Variants in TNNI3K observed in about 807,000 individuals in gnomAD.
The protein encoded by TNNI3K is TNNI3 interacting kinase, also known as serine/threonine-protein kinase TNNI3K.
TNNI3K carries 140 observed loss-of-function variants against 114.5 expected under a neutral mutation model. The observed-to-expected ratio is 1.22, with a 90% CI of 1.07 to 1.41. TNNI3K has a LOEUF of 1.41. Ranked by LOEUF, TNNI3K falls within the 40% of genes most tolerant of loss-of-function variation. The pLI, the probability that TNNI3K is intolerant of heterozygous loss-of-function variation, is 0.00. For synonymous variants in TNNI3K, 347 were observed against 347.5 expected, an observed-to-expected ratio of 1.00 and a Z score of 0.02; for missense variants, 1,125 against 1,007.6, an observed-to-expected ratio of 1.12 and a Z score of -1.58.
At chr1:74,534,506 T>C (rs1570753481) in intron 23 of TNNI3K, among the ~76,000 whole-genome samples, 2 of 152,236 alleles carry the variant, frequency 1.3e-5, no homozygotes, top group Middle Eastern at 6.8e-3. Context: ...CACAACACTG[T>C]CTGTTTTTAA....
chr1:74,262,173 A>AC (rs1655717121), intron 4 of TNNI3K, among the ~76,000 whole-genome samples: 2 of 152,116 alleles, frequency 1.3e-5, no homozygotes, highest in African/African-American at 4.8e-5. Flanking sequence ...GTCGATTTAG[A>AC]CCAAGGTTCA....
chr1:74,236,147 A>G lies in TNNI3K; in HGVS notation c.86A>G (p.Glu29Gly). 1 of 1,608,638 alleles carries G rather than the reference A, an allele frequency of 6.2e-7. No individual in the cohort carries two copies. The highest frequency in any genetic ancestry group is 2.2e-5 in the East Asian group (1 of 44,578). Reference sequence around the variant, plus strand: ...AGTGAATCATATGTTATCACAATAGAAAGATTAGAAGATGACCTGCAGATC... The same window carrying G: ...AGTGAATCATATGTTATCACAATAGGAAGATTAGAAGATGACCTGCAGATC... ...KVSESYVITI[E>G]RLEDDLQIKE... The change falls in exon 2 of 25, where the codon GAA becomes GGA. Residue 29 changes from glutamate to glycine, a missense_variant. By Grantham distance (98) the Glu-to-Gly change is moderately conservative. Transcript: ENST00000326637.
rs146458591 is a variant in TNNI3K at position 74,421,428 on chromosome 1, G to T, written c.1773-14652G>T. Among the ~76,000 whole-genome samples the T allele has an allele frequency of 1.8e-3, 269 of 152,108 alleles. 1 individual carries two copies. Among genetic ancestry groups the T allele is most frequent in the African/African-American group, 6.3e-3 (261 of 41,492 alleles). On this transcript the variant is annotated intron_variant, in intron 17 of 24. Coordinates refer to ENST00000326637, the MANE Select transcript of TNNI3K (RefSeq NM_015978.3). ...ATTCCTTAATCTTTACAATAATCTG[G>T]CAAGGTAGCTCTTAGAGATAAGAGA...
At position 74,392,027 on chromosome 1, in the gene TNNI3K, A is replaced by G. The variant is rs191753513; in HGVS notation, c.1772+21635A>G. Among the ~76,000 whole-genome samples, 345 of 133,852 alleles carry G rather than the reference A, an allele frequency of 2.6e-3. 4 individuals carry two copies. In the East Asian group the frequency reaches 0.043, roughly 17 times the overall value. 87.8% of individuals were successfully genotyped at this position (133,852 alleles called of 152,430 possible). On this transcript the variant is annotated intron_variant, in intron 17 of 24. Coordinates refer to ENST00000326637, the MANE Select transcript of TNNI3K (RefSeq NM_015978.3). ...GTCGCCCAGGCTGGAGTGCAGTGGC[A>G]GGATCTTGGCTCACTGCAAGCTCCG...
intron 9 of TNNI3K, 97 bp from the exon 10 acceptor site, chr1:74,353,169 C>A: frequency 1.6e-6 from 2 of 1,259,684 alleles, no homozygotes; most frequent in Admixed American, 2.3e-5. Context: ...GGGGTTATAA[C>A]TTCAGCATAT....
Position 74,492,087 on chromosome 1 carries a change from C to G in TNNI3K, c.2182-10C>G, listed in dbSNP as rs202081102. The G allele has an allele frequency of 2.0e-6, 3 of 1,520,342 alleles. No homozygotes were observed. The highest frequency in any genetic ancestry group is 1.4e-5 in the African/African-American group (1 of 73,318). 94.2% of individuals were successfully genotyped at this position (1,520,342 alleles called of 1,614,324 possible). A position where few individuals can be genotyped will look rare whatever the true frequency, so the allele number is the denominator to read the frequency against. On this transcript the variant is annotated splice_polypyrimidine_tract_variant and intron_variant, in intron 22 of 24. Transcript: ENST00000326637. ...TATTAAACAATTGAAATTGCCCCTC[C>G]TCCACTCAGCTGATGTCTCCTGCAT...
chr1:74,327,531 A>G (rs554486308), intron 5 of TNNI3K, among the ~76,000 whole-genome samples: 3 of 146,866 alleles, frequency 2.0e-5, no homozygotes, highest in East Asian at 2.0e-4. Flanking sequence ...AGTATTTTAT[A>G]TATTGAGTAT....
At chr1:74,359,578 AC>A (rs1292902602) in intron 11 of TNNI3K, among the ~76,000 whole-genome samples, 1 of 152,014 alleles carries the variant, frequency 6.6e-6, no homozygotes, top group African/African-American at 2.4e-5. Context: ...AAGCCTCAGA[AC>A]TGAAGCAAAA....
chr1:74,407,465 T>C (rs1341384659), intron 17 of TNNI3K, among the ~76,000 whole-genome samples: 1 of 152,190 alleles, frequency 6.6e-6, no homozygotes, highest in Non-Finnish European at 1.5e-5. Flanking sequence ...GTTTTTTTAT[T>C]CAGGAAATAA....
At chr1:74,445,441 A>G (rs1433638154) in intron 20 of TNNI3K, among the ~76,000 whole-genome samples, 6 of 124,216 alleles carry the variant, frequency 4.8e-5, no homozygotes, top group Admixed American at 9.5e-5. Flanking sequence ...TCATTGTTCA[A>G]TTCCCACCTA....
chr1:74,468,876 A>G (rs1667786826), intron 21 of TNNI3K: 1 of 152,108 alleles, frequency 6.6e-6, no homozygotes, highest in African/African-American at 2.4e-5. Context: ...CAATAATTAA[A>G]TTATTTGAAT....
rs199942628 is a variant in TNNI3K, at chr1:74,353,275, C to G, written c.942C>G (p.Thr314=). Residue 314 remains threonine, a synonymous_variant, in exon 10 of 25, where the codon ACC becomes ACG. Transcript: ENST00000326637. The part of the protein sequence containing the change: ...FSETAFHSAC[T]YGKSIDLVKF... ...TGGTTTTTTTTTTCAGTGCTTGTAC[C>G]TATGGCAAGAGCATTGACCTAGTCA... is the stretch of plus-strand genomic sequence containing the variant. The G allele has an allele frequency of 9.3e-6, 15 of 1,613,088 alleles. No individual in the cohort carries two copies. Among genetic ancestry groups the G allele is most frequent in the Non-Finnish European group, 1.3e-5 (15 of 1,179,728 alleles).
intron 5 of TNNI3K, among the ~76,000 whole-genome samples, chr1:74,320,917 G>A (rs1487948979): frequency 1.3e-5 from 2 of 152,142 alleles, no homozygotes; most frequent in Non-Finnish European, 2.9e-5. Flanking sequence ...AAAAACTGTT[G>A]TCAGATGCTA....
At chr1:74,395,599 G>A (rs973938841) in intron 17 of TNNI3K, among the ~76,000 whole-genome samples, 2 of 152,324 alleles carry the variant, frequency 1.3e-5, no homozygotes, top group African/African-American at 4.8e-5. Flanking sequence ...GGTTGAGTGT[G>A]TGTGACTGAG....
intron 5 of TNNI3K, among the ~76,000 whole-genome samples, chr1:74,282,876 GC>G (rs1657096474): frequency 6.6e-6 from 1 of 152,118 alleles, no homozygotes; most frequent in African/African-American, 2.4e-5. Context: ...CCACCAATAT[GC>G]ACATCTCAGA....
Position 74,509,909 on chromosome 1 carries a change from G to A in TNNI3K, c.2351+17643G>A, listed in dbSNP as rs184724404. 1.7e-3 allele frequency among the ~76,000 whole-genome samples: 253 copies of A among 151,694 alleles called. 2 individuals carry two copies. Among genetic ancestry groups the A allele is most frequent in the African/African-American group, 5.7e-3 (235 of 41,390 alleles). On this transcript the variant is annotated intron_variant, in intron 23 of 24. Transcript: ENST00000326637. ...GCTGGAACTACAGGCATACGCCACT[G>A]CACTTGGCTAATTTTTGTATTTTTT...
chr1:74,252,398 ATAGT>A (rs1314717726), intron 4 of TNNI3K, among the ~76,000 whole-genome samples: 1 of 152,248 alleles, frequency 6.6e-6, no homozygotes, highest in Non-Finnish European at 1.5e-5. Flanking sequence ...AAGAAAATGC[ATAGT>A]TATTTTGCAA....
intron 11 of TNNI3K, among the ~76,000 whole-genome samples, chr1:74,360,257 C>T (rs1183491972): frequency 1.3e-5 from 2 of 151,832 alleles, no homozygotes; most frequent in African/African-American, 2.4e-5. Flanking sequence ...CCGTATTATT[C>T]CCCAGTCTAA....
chr1:74,267,440 A>G (rs1405284141), intron 4 of TNNI3K, among the ~76,000 whole-genome samples: 1 of 151,850 alleles, frequency 6.6e-6, no homozygotes, highest in African/African-American at 2.4e-5. Flanking sequence ...GTTGGAGTCC[A>G]ACAGACCTGG....
Sources: gnomAD v4.1 joint callset for allele counts (sites outside exome capture counted in the v4.1 genomes callset) on GRCh38, gnomAD v4.1.1 for gene constraint, MANE v1.5 for transcripts, NCBI Gene and HGNC (gene_info 2026-07-23, HGNC 2026-07-21) for gene names.